MAPRE2: variants seen among roughly 807,000 people sequenced by gnomAD.
MAPRE2 encodes microtubule associated protein RP/EB family member 2.
A neutral mutation model predicts 43.2 loss-of-function variants in MAPRE2; 13 were observed. That is an observed-to-expected ratio of 0.30 (90% CI 0.20 to 0.48). The LOEUF (loss-of-function observed/expected upper bound fraction) is 0.48. Among genes scored for constraint, MAPRE2 ranks in the 20% least tolerant of loss-of-function variants. MAPRE2 has a pLI of 0.99. For missense variants in MAPRE2, 161 were observed against 400.2 expected, an observed-to-expected ratio of 0.40 and a Z score of 5.10; for synonymous variants, 135 against 148.8, an observed-to-expected ratio of 0.91 and a Z score of 0.68.
At chr18:35,093,211 CAAAAAAAAAAAA>C (rs56833433) in intron 2 of MAPRE2, among the ~76,000 whole-genome samples, 4 of 52,272 alleles carry the variant, frequency 7.7e-5, no homozygotes, top group South Asian at 1.2e-3. Flanking sequence ...GACCCTGTCT[CAAAAAAAAAAAA>C]AAAAAAAAAA....
chr18:35,073,146 T>C (rs184869086), intron 2 of MAPRE2, among the ~76,000 whole-genome samples: 2 of 152,288 alleles, frequency 1.3e-5, no homozygotes, highest in Admixed American at 6.5e-5. Context: ...ACTTTTGTGC[T>C]GCAGCCTAGA....
At chr18:34,992,030 A>G (rs966150282) in intron 1 of MAPRE2, among the ~76,000 whole-genome samples, 10 of 152,196 alleles carry the variant, frequency 6.6e-5, no homozygotes, top group Non-Finnish European at 1.5e-4. Context: ...TTCTTTTAAC[A>G]TTAAAGAATG....
chr18:35,113,847 A>T (rs946891719), intron 4 of MAPRE2, among the ~76,000 whole-genome samples: 1 of 152,204 alleles, frequency 6.6e-6, no homozygotes, highest in African/African-American at 2.4e-5. Context: ...AGCCATGTTC[A>T]TGCCACTACA....
chr18:35,126,860 A>G (rs1361950895), intron 4 of MAPRE2, 88 bp from the exon 5 acceptor site: 10 of 1,139,934 alleles, frequency 8.8e-6, no homozygotes, highest in Non-Finnish European at 1.2e-5. Context: ...ATGTTGTTGT[A>G]AGCTCTTTTC....
chr18:35,000,492 C>G (rs1239821869), intron 1 of MAPRE2, among the ~76,000 whole-genome samples: 1 of 152,092 alleles, frequency 6.6e-6, no homozygotes, highest in African/African-American at 2.4e-5. Context: ...GGGGGGACTC[C>G]CTAGCTAGGA....
intron 2 of MAPRE2, among the ~76,000 whole-genome samples, chr18:35,009,793 A>G (rs1213780455): frequency 6.6e-6 from 1 of 152,206 alleles, no homozygotes; most frequent in East Asian, 1.9e-4. Flanking sequence ...AAACAGCTGG[A>G]AGGAACCTCA....
intron 2 of MAPRE2, among the ~76,000 whole-genome samples, chr18:35,090,406 G>C (rs1908088419): frequency 6.6e-6 from 1 of 152,132 alleles, no homozygotes; most frequent in African/African-American, 2.4e-5. Context: ...AATTAGACAG[G>C]AGAAAGGAAT....
rs574551817 is a variant in MAPRE2, at chr18:35,100,393, G to A, written c.397-1553G>A. Among the ~76,000 whole-genome samples, 36 of 152,274 alleles carry A rather than the reference G, an allele frequency of 2.4e-4. No homozygotes were observed. In the South Asian group the frequency reaches 2.5e-3, roughly 11 times the overall value. ...GTAGGAGTATAAATTAGTTCATTGTGGAAAGCAATGTGGCGATTCCTCAAA... is the reference window on the plus strand; with the variant it reads ...GTAGGAGTATAAATTAGTTCATTGTAGAAAGCAATGTGGCGATTCCTCAAA... On this transcript the variant is annotated intron_variant, in intron 3 of 6. Transcript: ENST00000300249.
At chr18:35,082,517 C>T (rs1047826286) in intron 2 of MAPRE2, among the ~76,000 whole-genome samples, 7 of 152,124 alleles carry the variant, frequency 4.6e-5, no homozygotes, top group East Asian at 1.9e-4. Flanking sequence ...CTCAAACGCA[C>T]GTTTCACTTA....
At chr18:35,054,034 A>G (rs1388182511) in intron 1 of MAPRE2, among the ~76,000 whole-genome samples, 1 of 152,246 alleles carries the variant, frequency 6.6e-6, no homozygotes, top group Non-Finnish European at 1.5e-5. Context: ...AAGAATAGCC[A>G]AAGCGTTGGA....
At chr18:35,091,778 A>G (rs1488958678) in intron 2 of MAPRE2, among the ~76,000 whole-genome samples, 1 of 152,144 alleles carries the variant, frequency 6.6e-6, no homozygotes, top group Non-Finnish European at 1.5e-5. Flanking sequence ...TTCAAAATAC[A>G]CTACAGAGCT....
At chr18:35,136,750 C>G (rs1016352065) in intron 6 of MAPRE2, among the ~76,000 whole-genome samples, 2 of 152,216 alleles carry the variant, frequency 1.3e-5, no homozygotes, top group African/African-American at 4.8e-5. Flanking sequence ...GGGCCTTCCT[C>G]TCTCCTTTGC....
chr18:35,039,984 G>C (rs924192613), upstream of MAPRE2, among the ~76,000 whole-genome samples: 3 of 152,146 alleles, frequency 2.0e-5, no homozygotes, highest in Non-Finnish European at 4.4e-5. Context: ...CGGGTGGACT[G>C]CCTGAGCTCA....
chr18:35,044,323 C>T (rs1195078927), intron 1 of MAPRE2, among the ~76,000 whole-genome samples: 1 of 152,210 alleles, frequency 6.6e-6, no homozygotes, highest in African/African-American at 2.4e-5. Context: ...CTCCGCCTCC[C>T]GGGTTCAAGA....
chr18:35,129,482 C>T (rs1910053096), intron 5 of MAPRE2, among the ~76,000 whole-genome samples: 1 of 152,164 alleles, frequency 6.6e-6, no homozygotes, highest in Admixed American at 6.5e-5. Flanking sequence ...GGCAATTTCC[C>T]ATGATGCACT....
At chr18:35,024,202 T>G (rs1054253222) in intron 2 of MAPRE2, among the ~76,000 whole-genome samples, 1 of 152,160 alleles carries the variant, frequency 6.6e-6, no homozygotes, top group African/African-American at 2.4e-5. Flanking sequence ...GCACTCAGAG[T>G]TCTGGAGCTA....
At chr18:35,005,511 A>G (rs953239456) in exon 2 of MAPRE2, 33 of 1,542,776 alleles carry the variant, frequency 2.1e-5, no homozygotes, top group Non-Finnish European at 2.9e-5. Flanking sequence ...TCCCAGAGGA[A>G]CAGTTCATTT....
intron 3 of MAPRE2, among the ~76,000 whole-genome samples, chr18:35,098,140 T>C (rs984740249): frequency 1.3e-5 from 2 of 152,226 alleles, no homozygotes; most frequent in African/African-American, 4.8e-5. Flanking sequence ...CCATGAATTA[T>C]ACTTTTGTCC....
At chr18:34,981,289 G>A (rs750510597) in intron 1 of MAPRE2, among the ~76,000 whole-genome samples, 3 of 151,726 alleles carry the variant, frequency 2.0e-5, no homozygotes, top group African/African-American at 4.8e-5. Flanking sequence ...TGAGAGGATC[G>A]CTTGAATCTG....
Sources: gnomAD v4.1 joint callset for allele counts (sites outside exome capture counted in the v4.1 genomes callset) on GRCh38, gnomAD v4.1.1 for gene constraint, MANE v1.5 for transcripts, NCBI Gene and HGNC (gene_info 2026-07-23, HGNC 2026-07-21) for gene names.